The following GAR1 variants were observed in gnomAD, a reference collection of about 807,000 sequenced individuals.
The protein encoded by GAR1 is H/ACA ribonucleoprotein complex subunit 1.
Under a neutral mutation model 29.3 loss-of-function variants are expected in GAR1, and 11 were observed. That is an observed-to-expected ratio of 0.38 (90% confidence interval 0.24 to 0.62). The LOEUF (loss-of-function observed/expected upper bound fraction) is 0.62. Among genes scored for constraint, GAR1 ranks in the 20% least tolerant of loss-of-function variants. GAR1 has a pLI of 0.62. For missense variants in GAR1, 237 were observed against 268.4 expected, an observed-to-expected ratio of 0.88 and a Z score of 0.82; for synonymous variants, 87 against 93.3, an observed-to-expected ratio of 0.93 and a Z score of 0.39.
At chr4:109,819,178 A>G (rs1407049578) in intron 4 of GAR1, 118 bp downstream of exon 4, 2 of 749,686 alleles carry the variant, frequency 2.7e-6, no homozygotes, top group African/African-American at 3.5e-5. Flanking sequence ...AAGCTCTTAA[A>G]TTGAAATGTT....
rs1159866479 is a variant in GAR1, at chr4:109,817,875, G to A, written c.215-61G>A. The A allele has an allele frequency of 2.9e-6, 4 of 1,370,732 alleles. No homozygotes were observed. The African/African-American group carries it at 4.4e-5, about 15-fold the overall frequency. The allele number at this position is 1,370,732 out of a possible 1,614,324, so 84.9% of individuals were successfully genotyped here. Reference sequence around the variant, plus strand: ...GTAGCCAAAAAGAAAGCTTCCAGAAGCAGTTGGTCAGTATCGTTTGAAATA... The same window carrying A: ...GTAGCCAAAAAGAAAGCTTCCAGAAACAGTTGGTCAGTATCGTTTGAAATA... On this transcript the variant is annotated intron_variant, in intron 2 of 6. Coordinates refer to ENST00000226796, the MANE Select transcript of GAR1 (RefSeq NM_018983.4).
chr4:109,819,212 C>T, intron 4 of GAR1, 152 bp downstream of exon 4: 1 of 674,184 alleles, frequency 1.5e-6, no homozygotes, highest in East Asian at 2.7e-5. Flanking sequence ...ATTGAACACA[C>T]TAATCTTTAA....
At chr4:109,816,115 C>T in intron 1 of GAR1, 38 bp from the exon 2 acceptor site, 1 of 1,575,678 alleles carries the variant, frequency 6.3e-7, no homozygotes, top group African/African-American at 1.3e-5. Context: ...TCAGAGGCTA[C>T]AGTGATCAGA....
chr4:109,818,890 C>CTA lies in GAR1; in HGVS notation c.370-103_370-102dup, dbSNP rs1733427944. On this transcript the variant is annotated intron_variant, in intron 3 of 6. Transcript: ENST00000226796. ...CCTGGAAATTCATTTCTTATCTTTC[C>CTA]TATATATATCCATACATTCTAACCT... 4.0e-5 allele frequency: 25 copies of CTA among 632,670 alleles called. No individual in the cohort carries two copies. In the South Asian group the frequency reaches 4.4e-4, roughly 11 times the overall value. The allele number at this position is 632,670 out of a possible 1,614,324, so 39.2% of individuals were successfully genotyped here. A position where few individuals can be genotyped will look rare whatever the true frequency, so the allele number is the denominator to read the frequency against.
intron 4 of GAR1, among the ~76,000 whole-genome samples, chr4:109,820,970 A>T (rs769650405): frequency 2.7e-5 from 3 of 110,338 alleles, no homozygotes; most frequent in Non-Finnish European, 7.5e-5. Flanking sequence ...AAATCACTTA[A>T]ATTTCTCAGA....
rs899941960 is a variant in GAR1, at chr4:109,824,603, G to T, written c.*172G>T. Reference sequence around the variant, plus strand: ...AAAGTGCAACGGAATAGTGAATTTTGCTCTAAAAGAGCATGAACAAGTCTT... The same window carrying T: ...AAAGTGCAACGGAATAGTGAATTTTTCTCTAAAAGAGCATGAACAAGTCTT... On this transcript the variant is annotated 3_prime_UTR_variant, in exon 7 of 7. Coordinates refer to ENST00000226796, the MANE Select transcript of GAR1 (RefSeq NM_018983.4). The T allele has an allele frequency of 3.2e-5, 19 of 592,842 alleles. No homozygotes were observed. In the African/African-American group the frequency reaches 3.4e-4, roughly 11 times the overall value. 36.7% of individuals were successfully genotyped at this position (592,842 alleles called of 1,614,324 possible). A position where few individuals can be genotyped will look rare whatever the true frequency, so the allele number is the denominator to read the frequency against.
chr4:109,816,157 G>A lies in GAR1; in HGVS notation c.-8G>A. The A allele has an allele frequency of 6.2e-7, 1 of 1,611,798 alleles. No homozygotes were observed. Among genetic ancestry groups the A allele is most frequent in the Non-Finnish European group, 8.5e-7 (1 of 1,179,722 alleles). On this transcript the variant is annotated 5_prime_UTR_variant, in exon 2 of 7. Transcript: ENST00000226796. ...AGGTCGTTTTTTTTTCATCAGGGAG[G>A]AGAGAGAATGTCTTTTCGAGGCGGA...
chr4:109,818,900 C>G (rs1733428195), intron 3 of GAR1, 101 bp from the exon 4 acceptor site: 7 of 665,610 alleles, frequency 1.1e-5, no homozygotes, highest in Non-Finnish European at 1.6e-5. Flanking sequence ...CTATATATAT[C>G]CATACATTCT....
At chr4:109,818,206 T>C in intron 3 of GAR1, 116 bp downstream of exon 3, 1 of 694,462 alleles carries the variant, frequency 1.4e-6, no homozygotes, top group Non-Finnish European at 2.4e-6. Context: ...ACAGGATTGC[T>C]ACAGATTGGA....
At chr4:109,820,803 A>G (rs953513801) in intron 4 of GAR1, among the ~76,000 whole-genome samples, 6 of 152,146 alleles carry the variant, frequency 3.9e-5, no homozygotes, top group Non-Finnish European at 7.4e-5. Flanking sequence ...TATGGCTACT[A>G]GTTGTAGAAA....
chr4:109,818,582 T>C (rs1183251218), intron 3 of GAR1, among the ~76,000 whole-genome samples: 5 of 150,180 alleles, frequency 3.3e-5, no homozygotes, highest in Non-Finnish European at 5.9e-5. Context: ...TTTTTTTTTT[T>C]TTGACAGAGA....
chr4:109,818,597 C>T (rs7684459), intron 3 of GAR1, among the ~76,000 whole-genome samples: 32,769 of 138,304 alleles, frequency 0.24, 4,783 homozygotes, highest in East Asian at 0.45. Context: ...CAGAGACTCA[C>T]TCTGTTGCCC....
chr4:109,822,720 A>T (rs1260749313), intron 5 of GAR1, among the ~76,000 whole-genome samples: 1 of 152,202 alleles, frequency 6.6e-6, no homozygotes, highest in Non-Finnish European at 1.5e-5. Flanking sequence ...TCTTTGGGTT[A>T]TTCATGTTTT....
At chr4:109,818,930 T>C (rs1412042852) in intron 3 of GAR1, 71 bp from the exon 4 acceptor site, 3 of 723,062 alleles carry the variant, frequency 4.1e-6, no homozygotes, top group Non-Finnish European at 7.4e-6. Context: ...TTTGAAATTA[T>C]ACATGAATTC....
At chr4:109,815,996 C>T in intron 1 of GAR1, 157 bp from the exon 2 acceptor site, 1 of 732,108 alleles carries the variant, frequency 1.4e-6, no homozygotes, top group Non-Finnish European at 2.4e-6. Context: ...GTAAACTCTT[C>T]ACCCATCAGG....
At chr4:109,823,843 GTTA>G (rs1341290682) in intron 5 of GAR1, 119 bp from the exon 6 acceptor site, 2 of 525,390 alleles carry the variant, frequency 3.8e-6, no homozygotes, top group Non-Finnish European at 6.6e-6. Flanking sequence ...TATAATTATA[GTTA>G]TTGTATTGAT....
In GAR1 at chr4:109,817,969, A is replaced by G. The variant is rs756047337; in HGVS notation, c.248A>G (p.Asp83Gly). The part of the protein sequence containing the change: ...LGEFLHPCED[D>G]IVCKCTTDEN... ...GAGTTCCTGCATCCCTGTGAAGATG[A>G]CATAGTTTGTAAATGTACCACAGAT... Residue 83 changes from aspartate to glycine, a missense_variant, in exon 3 of 7, where the codon GAC becomes GGC. Asp to Gly is a moderately conservative substitution (Grantham distance 94). Coordinates refer to ENST00000226796, the MANE Select transcript of GAR1 (RefSeq NM_018983.4). 1 of 1,609,568 alleles carries G rather than the reference A, an allele frequency of 6.2e-7. No homozygotes were observed.
Position 109,815,919 on chromosome 4 carries a change from G to A in GAR1, c.-13+115G>A, listed in dbSNP as rs146976860. On this transcript the variant is annotated intron_variant, in intron 1 of 6. Transcript: ENST00000226796. ...GAAGACCTTGCTGTCTGTAGGGGGA[G>A]GAGATACTAATCATGGGGCGGCAAG... The A allele has an allele frequency of 2.3e-3, 1,297 of 573,040 alleles. 10 individuals carry two copies. Among genetic ancestry groups the A allele is most frequent in the African/African-American group, 0.021 (1,133 of 53,052 alleles). 35.5% of individuals were successfully genotyped at this position (573,040 alleles called of 1,614,324 possible). A position where few individuals can be genotyped will look rare whatever the true frequency, so the allele number is the denominator to read the frequency against.
chr4:109,816,874 G>C (rs928855323), intron 2 of GAR1, among the ~76,000 whole-genome samples: 13 of 152,222 alleles, frequency 8.5e-5, no homozygotes, highest in Admixed American at 2.6e-4. Context: ...TGACTCCAAA[G>C]CCCATGCTTT....
Sources: allele counts gnomAD v4.1 joint callset (sites outside exome capture counted in the v4.1 genomes callset), GRCh38; gene constraint gnomAD v4.1.1; transcripts MANE v1.5; gene names NCBI Gene and HGNC (gene_info 2026-07-23, HGNC 2026-07-21).